Variants in COL4A2 observed in about 807,000 individuals in gnomAD.
COL4A2 encodes the protein collagen alpha-2(IV) chain.
A neutral mutation model predicts 200.2 loss-of-function variants in COL4A2; 99 were observed. The ratio of observed to expected loss-of-function variants is 0.49; its 90% CI spans 0.42 to 0.58. The LOEUF (loss-of-function observed/expected upper bound fraction) is 0.58, where lower values mean the gene tolerates loss of function less well. COL4A2 is among the 20% of genes least tolerant of loss of function. The pLI, the probability that COL4A2 is intolerant of heterozygous loss-of-function variation, is 0.00. For missense variants in COL4A2, 1,950 were observed against 2,314.1 expected, an observed-to-expected ratio of 0.84 and a Z score of 3.23; for synonymous variants, 897 against 900.6, an observed-to-expected ratio of 1.00 and a Z score of 0.07.
Position 110,444,997 on chromosome 13 carries a change from C to T in COL4A2, c.958-832C>T, listed in dbSNP as rs567126970. 6.6e-5 allele frequency among the ~76,000 whole-genome samples: 10 copies of T among 152,240 alleles called. No individual in the cohort carries two copies. In the South Asian group the frequency reaches 2.1e-3, roughly 32 times the overall value. ...TCCCAAGTAGCTGGGACTGCAGGTGCCTGCCACCATGCCCGGTTACATTAT... is the reference window on the plus strand; with the variant it reads ...TCCCAAGTAGCTGGGACTGCAGGTGTCTGCCACCATGCCCGGTTACATTAT... On this transcript the variant is annotated intron_variant, in intron 16 of 47. Coordinates refer to ENST00000360467, the MANE Select transcript of COL4A2 (RefSeq NM_001846.4).
intron 3 of COL4A2, among the ~76,000 whole-genome samples, chr13:110,326,783 A>T: frequency 6.6e-6 from 1 of 152,152 alleles, no homozygotes; most frequent in East Asian, 1.9e-4. Flanking sequence ...CCTGGTGGTC[A>T]ACCTGGCCCT....
At chr13:110,509,270 T>TACACACACACACAC (rs60333796) in intron 47 of COL4A2, among the ~76,000 whole-genome samples, 59 of 115,574 alleles carry the variant, frequency 5.1e-4, no homozygotes, top group African/African-American at 1.8e-3. Context: ...TATATATATA[T>TACACACACACACAC]ACACACACAC....
chr13:110,463,021 A>T (rs1390998834), intron 24 of COL4A2: 1 of 154,562 alleles, frequency 6.5e-6, no homozygotes, highest in Non-Finnish European at 1.5e-5. Flanking sequence ...CCAAGCCTGT[A>T]CCTCCTTAAG....
Position 110,511,937 on chromosome 13 carries a change from ACGG to A in COL4A2, c.4892_4894del (p.Ala1631del). The A allele has an allele frequency of 2.5e-6, 4 of 1,613,532 alleles. No homozygotes were observed. The highest frequency in any genetic ancestry group is 3.4e-6 in the Non-Finnish European group (4 of 1,180,010). On this transcript the variant is annotated inframe_deletion, in exon 48 of 48. Coordinates refer to ENST00000360467, the MANE Select transcript of COL4A2 (RefSeq NM_001846.4). ...TCCTGCCCCCCTCTCTGTGCAGCAC[ACGG>A]CGGCGGGAGACGAAGGCGGTGGCCA...
At chr13:110,310,925 A>G (rs1884963544) in intron 3 of COL4A2, among the ~76,000 whole-genome samples, 1 of 152,212 alleles carries the variant, frequency 6.6e-6, no homozygotes, top group African/African-American at 2.4e-5. Flanking sequence ...CCCTCGCCCA[A>G]GGTTCCTGTC....
intron 20 of COL4A2, among the ~76,000 whole-genome samples, chr13:110,451,548 G>A (rs1408961185): frequency 2.0e-5 from 3 of 152,192 alleles, no homozygotes; most frequent in Admixed American, 6.5e-5. Context: ...GCATCAGGAA[G>A]GAGAAGTAAG....
chr13:110,440,190 G>A (rs1401402274), intron 16 of COL4A2, among the ~76,000 whole-genome samples: 1 of 152,156 alleles, frequency 6.6e-6, no homozygotes, highest in East Asian at 1.9e-4. Context: ...TTTTTTTATA[G>A]ATTGACCCAT....
At chr13:110,390,035 TG>T (rs1373852686) in intron 4 of COL4A2, among the ~76,000 whole-genome samples, 1 of 152,208 alleles carries the variant, frequency 6.6e-6, no homozygotes, top group African/African-American at 2.4e-5. Flanking sequence ...TTTATTGGCA[TG>T]GGATGATTTA....
chr13:110,478,270 C>A, intron 30 of COL4A2, 106 bp downstream of exon 30: 1 of 1,183,080 alleles, frequency 8.5e-7, no homozygotes, highest in South Asian at 2.0e-5. Flanking sequence ...CATGGAACCC[C>A]TTAAGAGGTG....
In COL4A2 at chr13:110,449,474, G is replaced by A. The variant is rs116283860; in HGVS notation, c.1079-205G>A. On this transcript the variant is annotated intron_variant, in intron 18 of 47. Coordinates refer to ENST00000360467, the MANE Select transcript of COL4A2 (RefSeq NM_001846.4). ...TTTGGACTCACCTACTTCCTCACCC[G>A]GTTTTCACTAATCCTGTTCCCCTGC... Among the ~76,000 whole-genome samples, 252 of 152,178 alleles carry A rather than the reference G, an allele frequency of 1.7e-3. 1 individual carries two copies. Among genetic ancestry groups the A allele is most frequent in the African/African-American group, 3.7e-3 (153 of 41,508 alleles).
At chr13:110,375,418 A>G (rs1336884517) in intron 4 of COL4A2, among the ~76,000 whole-genome samples, 1 of 152,250 alleles carries the variant, frequency 6.6e-6, no homozygotes, top group African/African-American at 2.4e-5. Flanking sequence ...GCAAAATGAC[A>G]GAAAATGCCA....
intron 16 of COL4A2, among the ~76,000 whole-genome samples, chr13:110,441,916 C>T (rs1170188968): frequency 6.8e-6 from 1 of 147,974 alleles, no homozygotes. Context: ...CCTGTCTCTA[C>T]TAAAAATACA....
At chr13:110,323,095 CAA>C (rs1885317642) in intron 3 of COL4A2, among the ~76,000 whole-genome samples, 1 of 152,232 alleles carries the variant, frequency 6.6e-6, no homozygotes, top group Non-Finnish European at 1.5e-5. Flanking sequence ...AGCAAGTAGA[CAA>C]AGATAGGGAT....
chr13:110,475,592 C>T (rs1189348820), intron 29 of COL4A2, among the ~76,000 whole-genome samples: 1 of 152,240 alleles, frequency 6.6e-6, no homozygotes, highest in Non-Finnish European at 1.5e-5. Context: ...GCTTCATATG[C>T]CTTGTTAGGC....
intron 4 of COL4A2, among the ~76,000 whole-genome samples, chr13:110,398,081 A>T (rs1594191223): frequency 7.2e-6 from 1 of 138,070 alleles, no homozygotes; most frequent in East Asian, 2.1e-4. Context: ...TCAAAAATCT[A>T]AATCAAAAAT....
At chr13:110,337,630 T>C (rs1041170051) in intron 3 of COL4A2, among the ~76,000 whole-genome samples, 1 of 152,074 alleles carries the variant, frequency 6.6e-6, no homozygotes, top group Non-Finnish European at 1.5e-5. Context: ...AGGCTGATGT[T>C]CCCCCTTAGC....
At chr13:110,430,693 A>T in intron 10 of COL4A2, 86 bp downstream of exon 10, 2 of 1,554,980 alleles carry the variant, frequency 1.3e-6, no homozygotes, top group African/African-American at 2.7e-5. Context: ...TTGACTCCAG[A>T]TGAGAGCTTT....
At chr13:110,484,862 G>A (rs1408339901) in intron 32 of COL4A2, 43 bp from the exon 33 acceptor site, 1 of 1,564,018 alleles carries the variant, frequency 6.4e-7, no homozygotes, top group African/African-American at 1.4e-5. Context: ...CTCCTGCGTG[G>A]TCTGGAGCCC....
intron 3 of COL4A2, among the ~76,000 whole-genome samples, chr13:110,352,968 C>T (rs752778411): frequency 6.6e-6 from 1 of 152,156 alleles, no homozygotes; most frequent in East Asian, 1.9e-4. Flanking sequence ...CCTGGCCCTG[C>T]GAGCTTCAGT....
Sources: gnomAD v4.1 joint callset for allele counts (sites outside exome capture counted in the v4.1 genomes callset) on GRCh38, gnomAD v4.1.1 for gene constraint, MANE v1.5 for transcripts, NCBI Gene and HGNC (gene_info 2026-07-23, HGNC 2026-07-21) for gene names.